The following DENND1A variants were observed in gnomAD, a reference collection of about 807,000 sequenced individuals.
DENND1A encodes DENN domain containing 1A, also known as DENN domain-containing protein 1A.
In DENND1A, 51 loss-of-function variants were observed where a neutral mutation model predicts 113.7. The observed-to-expected ratio is 0.45, with a 90% CI of 0.36 to 0.57. The LOEUF (loss-of-function observed/expected upper bound fraction) is 0.57. Ranked by LOEUF, DENND1A falls within the 20% of genes least tolerant of loss-of-function variation. The probability of loss-of-function intolerance (pLI) is 0.00; values close to 1 mark genes in which losing one functional copy is unlikely to be tolerated. For synonymous variants in DENND1A, 565 were observed against 570.8 expected (o/e 0.99, Z 0.14); for missense variants, 1,258 against 1,395.9 (o/e 0.90, Z 1.57).
intron 2 of DENND1A, among the ~76,000 whole-genome samples, chr9:123,839,117 G>A (rs925168546): frequency 9.9e-5 from 15 of 152,188 alleles, no homozygotes; most frequent in African/African-American, 3.6e-4. Flanking sequence ...GACAAAAAGT[G>A]TCTGTTAACG....
chr9:123,523,045 A>T (rs1436197998), intron 13 of DENND1A, among the ~76,000 whole-genome samples: 1 of 152,252 alleles, frequency 6.6e-6, no homozygotes, highest in African/African-American at 2.4e-5. Flanking sequence ...CATTAATGTG[A>T]GGCCACATCT....
In DENND1A at chr9:123,584,611, A is replaced by C. The variant is rs1378399296; in HGVS notation, c.766-1341T>G. Among the ~76,000 whole-genome samples the C allele has an allele frequency of 5.9e-5, 9 of 152,204 alleles. No individual in the cohort carries two copies. In the East Asian group the frequency reaches 1.7e-3, roughly 29 times the overall value. On this transcript the variant is annotated intron_variant, in intron 11 of 23. Coordinates refer to ENST00000394215, the MANE Select transcript of DENND1A (RefSeq NM_001352964.2). Reference sequence around the variant, plus strand: ...CTAGCTCTTGCTCTGTGCTTTACTCACCTTATTTCATTTAATTCTTATCAA... The same window carrying C: ...CTAGCTCTTGCTCTGTGCTTTACTCCCCTTATTTCATTTAATTCTTATCAA...
chr9:123,593,316 T>C (rs1431820967), intron 11 of DENND1A, among the ~76,000 whole-genome samples: 2 of 152,196 alleles, frequency 1.3e-5, no homozygotes, highest in Non-Finnish European at 2.9e-5. Context: ...ACTTGTTACA[T>C]AGGGTTGTGA....
chr9:123,711,532 T>C (rs1168406505), intron 5 of DENND1A, among the ~76,000 whole-genome samples: 1 of 144,768 alleles, frequency 6.9e-6, no homozygotes, highest in African/African-American at 2.6e-5. Flanking sequence ...TATATATATA[T>C]ATATATAAAT....
chr9:123,651,407 TGC>T (rs59720799), intron 9 of DENND1A, among the ~76,000 whole-genome samples: 2 of 152,208 alleles, frequency 1.3e-5, no homozygotes, highest in African/African-American at 2.4e-5. Context: ...CGTGCGCACA[TGC>T]GCGCACACAC....
intron 1 of DENND1A, among the ~76,000 whole-genome samples, chr9:123,914,821 C>A (rs1854792066): frequency 6.6e-6 from 1 of 152,006 alleles, no homozygotes; most frequent in African/African-American, 2.4e-5. Context: ...TGATGCCAAG[C>A]CATTCATGAG....
At chr9:123,802,982 G>A (rs1290165862) in intron 2 of DENND1A, among the ~76,000 whole-genome samples, 1 of 152,160 alleles carries the variant, frequency 6.6e-6, no homozygotes. Flanking sequence ...GATTATAGGC[G>A]TGAGCCACCA....
chr9:123,462,430 C>T (rs372252124), intron 13 of DENND1A, among the ~76,000 whole-genome samples: 1 of 152,196 alleles, frequency 6.6e-6, no homozygotes, highest in African/African-American at 2.4e-5. Flanking sequence ...CTACTGCAGG[C>T]CTGGCTTCTC....
At chr9:123,478,508 CA>C (rs2050091641) in intron 13 of DENND1A, among the ~76,000 whole-genome samples, 1 of 152,166 alleles carries the variant, frequency 6.6e-6, no homozygotes, top group Non-Finnish European at 1.5e-5. Context: ...TTCCAATAAC[CA>C]AAATAGCAGT....
chr9:123,735,556 T>C (rs551470093), intron 5 of DENND1A, among the ~76,000 whole-genome samples: 1 of 152,324 alleles, frequency 6.6e-6, no homozygotes, highest in African/African-American at 2.4e-5. Flanking sequence ...CCGTGACACA[T>C]ACCACACTCA....
At chr9:123,428,815 A>G (rs1345134262) in intron 19 of DENND1A, among the ~76,000 whole-genome samples, 2 of 152,198 alleles carry the variant, frequency 1.3e-5, no homozygotes, top group East Asian at 1.9e-4. Flanking sequence ...AATAAAATAT[A>G]TAGGAAGACA....
chr9:123,401,758 A>G, intron 21 of DENND1A: 1 of 1,612,372 alleles, frequency 6.2e-7, no homozygotes, highest in Non-Finnish European at 8.5e-7. Context: ...GCTCTTTGGC[A>G]CACACTGCGA....
At chr9:123,699,550 GAAA>G (rs2065744994) in intron 5 of DENND1A, among the ~76,000 whole-genome samples, 1 of 151,842 alleles carries the variant, frequency 6.6e-6, no homozygotes, top group South Asian at 2.1e-4. Context: ...GCCCATCTCT[GAAA>G]TAATAAGATA....
At chr9:123,879,905 C>T (rs878972851) in intron 1 of DENND1A, among the ~76,000 whole-genome samples, 2 of 152,158 alleles carry the variant, frequency 1.3e-5, no homozygotes, top group South Asian at 2.1e-4. Flanking sequence ...GATAAGTTCA[C>T]GATCTTCAGG....
At chr9:123,645,652 C>T (rs1365970800) in intron 9 of DENND1A, among the ~76,000 whole-genome samples, 1 of 152,158 alleles carries the variant, frequency 6.6e-6, no homozygotes, top group Non-Finnish European at 1.5e-5. Context: ...TACCAGCAAT[C>T]CATGAAACTT....
At chr9:123,470,936 T>C (rs1345557372) in intron 13 of DENND1A, among the ~76,000 whole-genome samples, 1 of 152,108 alleles carries the variant, frequency 6.6e-6, no homozygotes, top group African/African-American at 2.4e-5. Context: ...GGTAGGAAGT[T>C]TCTAGTCGTG....
chr9:123,807,321 T>C (rs920447888), intron 2 of DENND1A, among the ~76,000 whole-genome samples: 6 of 152,244 alleles, frequency 3.9e-5, no homozygotes, highest in African/African-American at 1.4e-4. Context: ...TACAACAGTT[T>C]ATAATGTCCC....
chr9:123,808,564 T>G (rs754815944), intron 2 of DENND1A, among the ~76,000 whole-genome samples: 2 of 152,036 alleles, frequency 1.3e-5, no homozygotes, highest in African/African-American at 2.4e-5. Flanking sequence ...TATTTTTTTG[T>G]AGAGGCAGGG....
At chr9:123,853,841 C>A (rs1012923195) in intron 2 of DENND1A, among the ~76,000 whole-genome samples, 1 of 152,108 alleles carries the variant, frequency 6.6e-6, no homozygotes, top group Non-Finnish European at 1.5e-5. Flanking sequence ...TCTTGAGATG[C>A]CAGCCTCTCA....
Sources: gnomAD v4.1 joint callset for allele counts (sites outside exome capture counted in the v4.1 genomes callset) on GRCh38, gnomAD v4.1.1 for gene constraint, MANE v1.5 for transcripts, NCBI Gene and HGNC (gene_info 2026-07-23, HGNC 2026-07-21) for gene names.